PCDH9: variants seen among roughly 807,000 people sequenced by gnomAD.
PCDH9 encodes the protein protocadherin 9, also known as protocadherin-9.
In PCDH9, 24 loss-of-function variants were observed where a neutral mutation model predicts 70.6. That is an observed-to-expected ratio of 0.34 (90% CI 0.25 to 0.48). The LOEUF (loss-of-function observed/expected upper bound fraction) is 0.48, where lower values mean the gene tolerates loss of function less well. Ranked by LOEUF, PCDH9 falls within the 20% of genes least tolerant of loss-of-function variation. The pLI, the probability that PCDH9 is intolerant of heterozygous loss-of-function variation, is 0.99. For synonymous variants in PCDH9, 562 were observed against 558.5 expected (o/e 1.01, Z -0.09); for missense variants, 1,281 against 1,503.6 (o/e 0.85, Z 2.45).
At chr13:67,176,111 G>A (rs1389086117) in intron 2 of PCDH9, among the ~76,000 whole-genome samples, 6 of 152,146 alleles carry the variant, frequency 3.9e-5, no homozygotes, top group Admixed American at 6.6e-5. Context: ...TTGGCCTCTG[G>A]CTAGCGAATG....
intron 3 of PCDH9, among the ~76,000 whole-genome samples, chr13:66,862,194 C>T (rs1052832796): frequency 2.6e-5 from 4 of 152,290 alleles, no homozygotes; most frequent in Admixed American, 2.6e-4. Context: ...CAGTGCCTAA[C>T]AATCTTTGGA....
chr13:66,342,787 T>G (rs1593830803), intron 4 of PCDH9, among the ~76,000 whole-genome samples: 1 of 142,506 alleles, frequency 7.0e-6, no homozygotes, highest in Non-Finnish European at 1.6e-5. Context: ...TTTATTGTAT[T>G]TATTTATTGT....
chr13:66,678,905 A>G (rs2078279884), intron 3 of PCDH9, among the ~76,000 whole-genome samples: 1 of 151,736 alleles, frequency 6.6e-6, no homozygotes, highest in Admixed American at 6.6e-5. Context: ...TGAACACTCA[A>G]AAGAAAACCT....
At chr13:67,075,117 T>C (rs1303106431) in intron 2 of PCDH9, among the ~76,000 whole-genome samples, 1 of 152,010 alleles carries the variant, frequency 6.6e-6, no homozygotes, top group African/African-American at 2.4e-5. Flanking sequence ...ATAAAATGCT[T>C]AGAAGCAGAT....
chr13:67,140,027 C>G (rs1395476928), intron 2 of PCDH9, among the ~76,000 whole-genome samples: 1 of 38,720 alleles, frequency 2.6e-5, no homozygotes, highest in African/African-American at 1.1e-4. Flanking sequence ...TTTTGATCAC[C>G]CCCCCCCCCC....
intron 3 of PCDH9, among the ~76,000 whole-genome samples, chr13:66,720,629 T>C (rs986941882): frequency 1.1e-4 from 16 of 152,156 alleles, no homozygotes; most frequent in African/African-American, 3.4e-4. Context: ...CATAAATTTC[T>C]GCTATAAAAT....
intron 4 of PCDH9, among the ~76,000 whole-genome samples, chr13:66,513,768 G>A (rs530804260): frequency 2.0e-5 from 3 of 148,666 alleles, no homozygotes; most frequent in Non-Finnish European, 4.4e-5. Flanking sequence ...CTTGAAATAA[G>A]TTGAAGTCAG....
At chr13:66,767,102 CA>C (rs1808191104) in intron 3 of PCDH9, among the ~76,000 whole-genome samples, 1 of 151,876 alleles carries the variant, frequency 6.6e-6, no homozygotes, top group African/African-American at 2.4e-5. Flanking sequence ...AATATATTCG[CA>C]GTAGAAATCT....
chr13:67,054,709 T>C (rs1330222215), intron 2 of PCDH9, among the ~76,000 whole-genome samples: 1 of 152,196 alleles, frequency 6.6e-6, no homozygotes, highest in Non-Finnish European at 1.5e-5. Context: ...GATTATAATC[T>C]GTTATAATCA....
intron 2 of PCDH9, among the ~76,000 whole-genome samples, chr13:67,067,923 C>T (rs1034629223): frequency 7.2e-5 from 11 of 152,078 alleles, no homozygotes; most frequent in Non-Finnish European, 1.5e-4. Context: ...TTAGGTCACT[C>T]AAAGTTCATA....
intron 4 of PCDH9, among the ~76,000 whole-genome samples, chr13:66,329,675 A>C (rs1955905163): frequency 6.6e-6 from 1 of 152,146 alleles, no homozygotes; most frequent in African/African-American, 2.4e-5. Context: ...TTGTCAACCA[A>C]AGACAGCCTT....
intron 4 of PCDH9, among the ~76,000 whole-genome samples, chr13:66,555,334 A>G (rs1160621807): frequency 6.6e-5 from 10 of 151,784 alleles, no homozygotes; most frequent in Admixed American, 6.6e-5. Flanking sequence ...TAATGGAACT[A>G]CTGAGTCATC....
At chr13:66,734,625 T>G (rs1445501380) in intron 3 of PCDH9, among the ~76,000 whole-genome samples, 3 of 152,178 alleles carry the variant, frequency 2.0e-5, no homozygotes, top group Admixed American at 2.0e-4. Flanking sequence ...GACGTCAATA[T>G]TAATCAATGT....
intron 3 of PCDH9, among the ~76,000 whole-genome samples, chr13:66,639,733 C>T (rs1057453384): frequency 6.6e-6 from 1 of 152,044 alleles, no homozygotes; most frequent in South Asian, 2.1e-4. Context: ...ATCGCCCCAC[C>T]CTTATAAGTC....
At chr13:66,722,984 A>G (rs1218878658) in intron 3 of PCDH9, among the ~76,000 whole-genome samples, 1 of 151,876 alleles carries the variant, frequency 6.6e-6, no homozygotes, top group Non-Finnish European at 1.5e-5. Context: ...AAAAAAAAAA[A>G]AAGTGATGAT....
intron 4 of PCDH9, among the ~76,000 whole-genome samples, chr13:66,465,715 A>T (rs1397184658): frequency 2.6e-5 from 4 of 151,924 alleles, no homozygotes; most frequent in African/African-American, 9.7e-5. Context: ...TAAAAGTATG[A>T]AATTTCCTTT....
At chr13:66,386,815 T>C (rs966953234) in intron 4 of PCDH9, among the ~76,000 whole-genome samples, 1 of 152,108 alleles carries the variant, frequency 6.6e-6, no homozygotes, top group Admixed American at 6.5e-5. Flanking sequence ...GACAGAGAAC[T>C]AAAAAATAGG....
chr13:66,903,516 T>G lies in PCDH9; in HGVS notation c.3126A>C (p.Glu1042Asp), dbSNP rs749756952. 2.0e-6 allele frequency: 3 copies of G among 1,485,766 alleles called. No individual in the cohort carries two copies. The highest frequency in any genetic ancestry group is 2.8e-6 in the Non-Finnish European group (3 of 1,064,652). The allele number at this position is 1,485,766 out of a possible 1,614,324, so 92.0% of individuals were successfully genotyped here. A position where few individuals can be genotyped will look rare whatever the true frequency, so the allele number is the denominator to read the frequency against. ...STGFHIQENEESHYESQRRVT... is the reference protein window; with the variant it reads ...STGFHIQENEDSHYESQRRVT... ...ATATATGGCATACCTCGTAATGGCT[T>G]TCTTCATTCTCCTGAATGTGGAAAC... The change falls in exon 3 of 5, where the codon GAA becomes GAC. Residue 1042 changes from glutamate to aspartate, a missense_variant. Coordinates refer to ENST00000377865, the MANE Select transcript of PCDH9 (RefSeq NM_203487.3).
intron 4 of PCDH9, among the ~76,000 whole-genome samples, chr13:66,603,712 T>A (rs542908200): frequency 3.7e-4 from 56 of 152,132 alleles, no homozygotes; most frequent in African/African-American, 1.2e-3. Flanking sequence ...ATGGCATGTA[T>A]CTGGTGCCCC....
Sources: gnomAD v4.1 joint callset for allele counts (sites outside exome capture counted in the v4.1 genomes callset) on GRCh38, gnomAD v4.1.1 for gene constraint, MANE v1.5 for transcripts, NCBI Gene and HGNC (gene_info 2026-07-23, HGNC 2026-07-21) for gene names.